Variants in IPO11 observed in about 807,000 individuals in gnomAD.
The protein encoded by IPO11 is importin-11.
IPO11 carries 66 observed loss-of-function variants against 143.2 expected under a neutral mutation model. The ratio of observed to expected loss-of-function variants is 0.46; its 90% CI spans 0.38 to 0.57. The LOEUF is 0.57. Among genes scored for constraint, IPO11 ranks in the 20% least tolerant of loss-of-function variants. The probability of loss-of-function intolerance (pLI) is 0.00; values close to 1 mark genes in which losing one functional copy is unlikely to be tolerated. For synonymous variants in IPO11, 385 were observed against 377.8 expected, an observed-to-expected ratio of 1.02 and a Z score of -0.22; for missense variants, 1,026 against 1,141.0, an observed-to-expected ratio of 0.90 and a Z score of 1.45.
chr5:62,536,472 C>T (rs1742738087), intron 22 of IPO11, among the ~76,000 whole-genome samples: 1 of 152,008 alleles, frequency 6.6e-6, no homozygotes. Flanking sequence ...CAGGGTCTCA[C>T]TCTTTTGCCC....
At chr5:62,445,962 A>G (rs1307555406) in intron 3 of IPO11, among the ~76,000 whole-genome samples, 3 of 152,216 alleles carry the variant, frequency 2.0e-5, no homozygotes, top group South Asian at 2.1e-4. Context: ...GAAAAGTTCA[A>G]TTACAAGTTT....
chr5:62,414,781 A>T (rs1055100914), intron 1 of IPO11, among the ~76,000 whole-genome samples: 8 of 152,330 alleles, frequency 5.3e-5, no homozygotes, highest in African/African-American at 1.9e-4. Flanking sequence ...AAATCTTGAG[A>T]TGCACTACTT....
intron 29 of IPO11, among the ~76,000 whole-genome samples, chr5:62,615,040 G>A (rs548457205): frequency 6.6e-6 from 1 of 152,220 alleles, no homozygotes; most frequent in Non-Finnish European, 1.5e-5. Flanking sequence ...TCCCTGCTGT[G>A]CCATTCTGCT....
At chr5:62,426,509 G>A (rs1334683147) in intron 1 of IPO11, among the ~76,000 whole-genome samples, 1 of 152,156 alleles carries the variant, frequency 6.6e-6, no homozygotes, top group African/African-American at 2.4e-5. Context: ...TACTTGATAT[G>A]TGCTTAACAA....
chr5:62,479,161 C>T (rs1746087995), intron 9 of IPO11, among the ~76,000 whole-genome samples: 1 of 152,148 alleles, frequency 6.6e-6, no homozygotes, highest in Non-Finnish European at 1.5e-5. Flanking sequence ...TGTTCGATTC[C>T]CACCTATGAG....
chr5:62,539,149 A>G (rs887884830), intron 24 of IPO11, among the ~76,000 whole-genome samples: 13 of 152,168 alleles, frequency 8.5e-5, no homozygotes, highest in Admixed American at 8.5e-4. Flanking sequence ...GGCTTAAAAC[A>G]AGAGTTTCTT....
At chr5:62,546,619 A>T (rs1432866600) in intron 24 of IPO11, among the ~76,000 whole-genome samples, 1 of 151,802 alleles carries the variant, frequency 6.6e-6, no homozygotes, top group African/African-American at 2.4e-5. Context: ...ACACACACAC[A>T]ATCTGTTGCA....
At position 62,601,574 on chromosome 5, in the gene IPO11, T is replaced by G. The variant is rs910809452; in HGVS notation, c.2679-190T>G. On this transcript the variant is annotated intron_variant, in intron 28 of 29. Transcript: ENST00000325324. ...CTAAAATGTTTTAGTGTGGCCCTTT[T>G]TATAGTGAGATATCTTTTCATAATT... 2.0e-5 allele frequency among the ~76,000 whole-genome samples: 3 copies of G among 152,148 alleles called. No homozygotes were observed. In the East Asian group the frequency reaches 5.8e-4, roughly 29 times the overall value.
At chr5:62,420,580 C>CTTT (rs1315728708) in intron 1 of IPO11, among the ~76,000 whole-genome samples, 2 of 140,124 alleles carry the variant, frequency 1.4e-5, no homozygotes, top group Non-Finnish European at 1.6e-5. Context: ...CTGACTGAAA[C>CTTT]TTTTTTTTTT....
chr5:62,610,279 A>G (rs1745880298), intron 29 of IPO11, among the ~76,000 whole-genome samples: 1 of 151,908 alleles, frequency 6.6e-6, no homozygotes, highest in African/African-American at 2.4e-5. Flanking sequence ...AATTACTGAA[A>G]TGATTTTGTT....
intron 27 of IPO11, among the ~76,000 whole-genome samples, chr5:62,590,598 A>G (rs1449523537): frequency 3.3e-5 from 5 of 152,154 alleles, no homozygotes; most frequent in African/African-American, 7.2e-5. Flanking sequence ...TGGGATTGCT[A>G]TTATTAAAAA....
intron 29 of IPO11, among the ~76,000 whole-genome samples, chr5:62,606,150 A>G (rs1745706113): frequency 6.6e-6 from 1 of 152,072 alleles, no homozygotes; most frequent in African/African-American, 2.4e-5. Context: ...GAATCAAGCT[A>G]ATGAGCAAAT....
intron 28 of IPO11, among the ~76,000 whole-genome samples, chr5:62,592,804 C>T (rs1745074706): frequency 6.6e-6 from 1 of 152,064 alleles, no homozygotes; most frequent in African/African-American, 2.4e-5. Context: ...GGAGCTCACT[C>T]ACAAGCACGA....
At chr5:62,565,510 C>T (rs1378130846) in intron 27 of IPO11, among the ~76,000 whole-genome samples, 6 of 151,912 alleles carry the variant, frequency 3.9e-5, no homozygotes, top group Non-Finnish European at 8.8e-5. Context: ...AAAACAAAAC[C>T]GATGACAACT....
chr5:62,551,218 T>C lies in IPO11; in HGVS notation c.2347-5T>C. ...TTTTACATGTGTTGTATTTTAATTG[T>C]ACAGAGGTATCCTGTAGTGATGTCC... On this transcript the variant is annotated splice_polypyrimidine_tract_variant and splice_region_variant and intron_variant, in intron 25 of 29. Coordinates refer to ENST00000325324, the MANE Select transcript of IPO11 (RefSeq NM_016338.5). The C allele has an allele frequency of 6.6e-7, 1 of 1,508,612 alleles. No individual in the cohort carries two copies. Among genetic ancestry groups the C allele is most frequent in the Non-Finnish European group, 9.2e-7 (1 of 1,087,802 alleles). The allele number at this position is 1,508,612 out of a possible 1,614,324, so 93.5% of individuals were successfully genotyped here.
rs148824188 is a variant in IPO11, at chr5:62,589,268, T to C, written c.2583-2309T>C. Among the ~76,000 whole-genome samples, 1,147 of 152,282 alleles carry C rather than the reference T, an allele frequency of 7.5e-3. 6 individuals carry two copies. The highest frequency in any genetic ancestry group is 0.041 in the Middle Eastern group (12 of 294). The stretch of plus-strand genomic sequence containing the variant: ...TCCCTGGACAAGCTTCTTGAAAGAA[T>C]TGTCACTCCCCTTCCTCAGCTTAGA... On this transcript the variant is annotated intron_variant, in intron 27 of 29. Coordinates refer to ENST00000325324, the MANE Select transcript of IPO11 (RefSeq NM_016338.5).
chr5:62,448,441 T>TA (rs1580191038), intron 3 of IPO11, among the ~76,000 whole-genome samples: 2 of 152,378 alleles, frequency 1.3e-5, no homozygotes, highest in East Asian at 3.9e-4. Flanking sequence ...AGACATTTTT[T>TA]ATTACTCAGT....
At chr5:62,474,567 AT>A (rs1364173073) in intron 8 of IPO11, 103 bp downstream of exon 8, 1 of 809,404 alleles carries the variant, frequency 1.2e-6, no homozygotes, top group Non-Finnish European at 2.0e-6. Context: ...ATAGATGCTT[AT>A]TCATTAATAG....
intron 1 of IPO11, among the ~76,000 whole-genome samples, chr5:62,413,826 C>G (rs1279070486): frequency 6.6e-6 from 1 of 152,172 alleles, no homozygotes; most frequent in Non-Finnish European, 1.5e-5. Flanking sequence ...CTTCTCTGTT[C>G]AGTAGAGGAG....
Sources: gnomAD v4.1 joint callset for allele counts (sites outside exome capture counted in the v4.1 genomes callset) on GRCh38, gnomAD v4.1.1 for gene constraint, MANE v1.5 for transcripts, NCBI Gene and HGNC (gene_info 2026-07-23, HGNC 2026-07-21) for gene names.